ITGA4: variants seen among roughly 807,000 people sequenced by gnomAD.
ITGA4 encodes the protein integrin subunit alpha 4.
A neutral mutation model predicts 133.6 loss-of-function variants in ITGA4; 63 were observed. The observed-to-expected ratio is 0.47, with a 90% confidence interval of 0.38 to 0.58. The LOEUF is 0.58. Ranked by LOEUF, ITGA4 falls within the 20% of genes least tolerant of loss-of-function variation. The pLI is 0.00. For synonymous variants in ITGA4, 483 were observed against 438.0 expected (o/e 1.10, Z -1.28); for missense variants, 1,076 against 1,252.7 (o/e 0.86, Z 2.13).
chr2:181,534,791 G>A lies in ITGA4; in HGVS notation c.2884-25G>A, dbSNP rs753584297. ...ACTGATTTTTTTTTTTGGTTTTTGA[G>A]TTTTATTTTTCTTAACTCACGTAGG... On this transcript the variant is annotated intron_variant, in intron 26 of 27. Transcript: ENST00000397033. The A allele has an allele frequency of 1.2e-5, 19 of 1,553,982 alleles. No individual in the cohort carries two copies. In the South Asian group the frequency reaches 2.3e-4, roughly 19 times the overall value.
intron 2 of ITGA4, among the ~76,000 whole-genome samples, chr2:181,468,844 A>G (rs1337245787): frequency 1.3e-5 from 2 of 152,326 alleles, no homozygotes; most frequent in East Asian, 3.9e-4. Context: ...TGTTTTTTAA[A>G]TATCTAGTGG....
At chr2:181,515,387 G>A (rs1686584860) in intron 17 of ITGA4, among the ~76,000 whole-genome samples, 1 of 151,988 alleles carries the variant, frequency 6.6e-6, no homozygotes, top group Non-Finnish European at 1.5e-5. Flanking sequence ...CTCAATAAAA[G>A]TCATTACTAT....
In ITGA4 at chr2:181,492,165, C is replaced by T. The variant is rs114838530; in HGVS notation, c.1154-1160C>T. The stretch of plus-strand genomic sequence containing the variant: ...ATATAGTAGGTGCTCACTAGCTGTC[C>T]GATGAATGAATAAATGAGTGGGCAT... On this transcript the variant is annotated intron_variant, in intron 10 of 27. Coordinates refer to ENST00000397033, the MANE Select transcript of ITGA4 (RefSeq NM_000885.6). Among the ~76,000 whole-genome samples the T allele has an allele frequency of 6.4e-3, 971 of 152,180 alleles. 5 individuals carry two copies. Among genetic ancestry groups the T allele is most frequent in the Non-Finnish European group, 0.01 (701 of 68,008 alleles).
At chr2:181,488,102 T>A (rs1462409312) in intron 10 of ITGA4, among the ~76,000 whole-genome samples, 1 of 152,252 alleles carries the variant, frequency 6.6e-6, no homozygotes, top group Non-Finnish European at 1.5e-5. Context: ...TTTTGTGGCA[T>A]CAAAATGTCA....
intron 16 of ITGA4, among the ~76,000 whole-genome samples, chr2:181,510,738 CAG>C (rs1322543935): frequency 1.3e-5 from 2 of 151,966 alleles, no homozygotes; most frequent in Non-Finnish European, 2.9e-5. Flanking sequence ...TTACGGAAGT[CAG>C]GGGTTGTTTT....
intron 25 of ITGA4, 109 bp from the exon 26 acceptor site, chr2:181,534,163 A>C (rs757913240): frequency 6.2e-6 from 4 of 644,874 alleles, no homozygotes; most frequent in Non-Finnish European, 1.1e-5. Flanking sequence ...TGGTGAAATA[A>C]ATTGGGGAAG....
At chr2:181,510,739 A>G (rs1359542410) in intron 16 of ITGA4, among the ~76,000 whole-genome samples, 5 of 152,046 alleles carry the variant, frequency 3.3e-5, no homozygotes, top group Admixed American at 6.6e-5. Flanking sequence ...TACGGAAGTC[A>G]GGGGTTGTTT....
rs1559058078 is a variant in ITGA4 at position 181,530,504 on chromosome 2, C to T, written c.2539-20C>T. ...TCCAGTGTTGAAAGATAAGATTTCT[C>T]TTGCTTTCTGTCTTCATAGACTACT... On this transcript the variant is annotated intron_variant, in intron 23 of 27. Transcript: ENST00000397033. 5 of 1,598,408 alleles carry T rather than the reference C, an allele frequency of 3.1e-6. No individual in the cohort carries two copies. The highest frequency in any genetic ancestry group is 4.3e-6 in the Non-Finnish European group (5 of 1,169,274).
intron 11 of ITGA4, 67 bp from the exon 12 acceptor site, chr2:181,494,655 A>T: frequency 1.2e-6 from 1 of 838,498 alleles, no homozygotes; most frequent in Non-Finnish European, 2.1e-6. Flanking sequence ...TTATTTAGCT[A>T]AATCATTGCT....
intron 2 of ITGA4, among the ~76,000 whole-genome samples, chr2:181,474,720 T>C (rs1685635397): frequency 2.6e-5 from 4 of 152,224 alleles, no homozygotes; most frequent in Admixed American, 6.5e-5. Context: ...CTATCTCTTA[T>C]ATGATTGAGT....
intron 10 of ITGA4, among the ~76,000 whole-genome samples, chr2:181,489,970 C>G (rs998176123): frequency 6.6e-6 from 1 of 152,106 alleles, no homozygotes; most frequent in African/African-American, 2.4e-5. Flanking sequence ...AATTCTGTCC[C>G]TTTTAAGGGC....
At chr2:181,526,266 T>G (rs1686828682) in intron 21 of ITGA4, among the ~76,000 whole-genome samples, 1 of 152,294 alleles carries the variant, frequency 6.6e-6, no homozygotes, top group Admixed American at 6.5e-5. Context: ...GATGAGTGTC[T>G]TCCTATTTTT....
At chr2:181,521,205 G>T (rs1193489066) in intron 17 of ITGA4, among the ~76,000 whole-genome samples, 2 of 152,014 alleles carry the variant, frequency 1.3e-5, no homozygotes, top group Non-Finnish European at 2.9e-5. Context: ...AAGAACTTCT[G>T]TTCTTAGGGG....
chr2:181,481,543 T>C (rs1042934617), intron 6 of ITGA4, 55 bp from the exon 7 acceptor site: 9 of 828,358 alleles, frequency 1.1e-5, no homozygotes, highest in Middle Eastern at 2.3e-4. Flanking sequence ...TTTACCCATA[T>C]TACCATATGA....
At chr2:181,519,724 C>A (rs982330537) in intron 17 of ITGA4, among the ~76,000 whole-genome samples, 3 of 151,978 alleles carry the variant, frequency 2.0e-5, no homozygotes, top group Non-Finnish European at 2.9e-5. Flanking sequence ...GGGTACAGAT[C>A]GCAATGTGGT....
In ITGA4 at chr2:181,474,892, GCA is replaced by G. The variant is rs1685638301; in HGVS notation, c.320-65_320-64del. Reference sequence around the variant, plus strand: ...TAACAGAAAAATACTGGGGATGAGTGCACAGTTTTCTCTTCTTTTGTAGAATG... The same window carrying G: ...TAACAGAAAAATACTGGGGATGAGTGCAGTTTTCTCTTCTTTTGTAGAATG... On this transcript the variant is annotated intron_variant, in intron 2 of 27. Transcript: ENST00000397033. 4 of 1,153,314 alleles carry G rather than the reference GCA, an allele frequency of 3.5e-6. No homozygotes were observed. In the East Asian group the frequency reaches 7.3e-5, roughly 21 times the overall value. 71.4% of individuals were successfully genotyped at this position (1,153,314 alleles called of 1,614,324 possible).
intron 23 of ITGA4, 53 bp from the exon 24 acceptor site, chr2:181,530,471 C>T: frequency 1.3e-6 from 2 of 1,532,594 alleles, no homozygotes; most frequent in Admixed American, 1.9e-5. Context: ...TTGCTTTTTG[C>T]TGTTTTTTCC....
At chr2:181,464,027 A>G (rs1190540576) in intron 2 of ITGA4, among the ~76,000 whole-genome samples, 1 of 152,118 alleles carries the variant, frequency 6.6e-6, no homozygotes, top group Admixed American at 6.5e-5. Context: ...AGTAGTTTCC[A>G]GAGGTCCCCA....
intron 4 of ITGA4, among the ~76,000 whole-genome samples, chr2:181,476,463 G>C (rs1685679565): frequency 6.6e-6 from 1 of 152,102 alleles, no homozygotes; most frequent in Non-Finnish European, 1.5e-5. Context: ...GAAGTTTTCT[G>C]CTTAGCAAAG....
Sources: gnomAD v4.1 joint callset for allele counts (sites outside exome capture counted in the v4.1 genomes callset) on GRCh38, gnomAD v4.1.1 for gene constraint, MANE v1.5 for transcripts, NCBI Gene and HGNC (gene_info 2026-07-23, HGNC 2026-07-21) for gene names.